Variants in TSNARE1 observed in about 807,000 individuals in gnomAD.
The protein encoded by TSNARE1 is t-SNARE domain containing 1.
A neutral mutation model predicts 62.0 loss-of-function variants in TSNARE1; 49 were observed. That is an observed-to-expected ratio of 0.79 (90% CI 0.63 to 1.00). The LOEUF is 1.00. TSNARE1 is among the 50% of genes least tolerant of loss of function. The probability of loss-of-function intolerance (pLI) is 0.00; values close to 1 mark genes in which losing one functional copy is unlikely to be tolerated. For missense variants in TSNARE1, 755 were observed against 700.1 expected (o/e 1.08, Z -0.88); for synonymous variants, 328 against 294.4 (o/e 1.11, Z -1.17).
intron 11 of TSNARE1, among the ~76,000 whole-genome samples, chr8:142,282,783 C>G (rs370741958): frequency 2.2e-5 from 3 of 138,290 alleles, no homozygotes; most frequent in Non-Finnish European, 4.6e-5. Flanking sequence ...TGAGCAGAGG[C>G]GGGGTCAGTG....
intron 13 of TSNARE1, among the ~76,000 whole-genome samples, chr8:142,227,303 C>T (rs73362780): frequency 6.7e-6 from 1 of 149,308 alleles, no homozygotes; most frequent in Non-Finnish European, 1.5e-5. Flanking sequence ...ACAGCCAGGA[C>T]CCCCTTCCTG....
At chr8:142,384,906 TGGGAGAA>T (rs1405745994) in intron 1 of TSNARE1, among the ~76,000 whole-genome samples, 1 of 152,112 alleles carries the variant, frequency 6.6e-6, no homozygotes, top group African/African-American at 2.4e-5. Flanking sequence ...ACTCACAACA[TGGGAGAA>T]AATATGTGCC....
At chr8:142,269,413 C>T (rs1191484667) in intron 12 of TSNARE1, 2 of 985,034 alleles carry the variant, frequency 2.0e-6, no homozygotes, top group African/African-American at 3.5e-5. Flanking sequence ...AGGCTGTGTC[C>T]AGGTTAAGAC....
chr8:142,295,876 G>A (rs570061066), intron 10 of TSNARE1, among the ~76,000 whole-genome samples: 17 of 150,944 alleles, frequency 1.1e-4, no homozygotes, highest in South Asian at 6.3e-4. Flanking sequence ...CACCCTGTGC[G>A]CAGGGATGAG....
intron 1 of TSNARE1, among the ~76,000 whole-genome samples, chr8:142,381,435 C>T (rs1836735506): frequency 6.6e-6 from 1 of 151,968 alleles, no homozygotes; most frequent in Non-Finnish European, 1.5e-5. Flanking sequence ...TTCCAGCACC[C>T]AATGGGCTCT....
At chr8:142,388,046 G>T (rs189597592) in intron 1 of TSNARE1, among the ~76,000 whole-genome samples, 1 of 152,034 alleles carries the variant, frequency 6.6e-6, no homozygotes, top group Middle Eastern at 3.2e-3. Context: ...CACCTTAAAA[G>T]AATTATGTAT....
intron 12 of TSNARE1, among the ~76,000 whole-genome samples, chr8:142,261,319 TG>T (rs1278433593): frequency 2.4e-5 from 1 of 42,520 alleles, no homozygotes; most frequent in Non-Finnish European, 4.6e-5. Flanking sequence ...GAAGGAGGGA[TG>T]GAGGAGAGAG....
chr8:142,229,902 T>C (rs1817022422), intron 12 of TSNARE1, among the ~76,000 whole-genome samples: 1 of 152,174 alleles, frequency 6.6e-6, no homozygotes, highest in African/African-American at 2.4e-5. Context: ...CTGTTTCTCT[T>C]CTTGGTACCT....
intron 1 of TSNARE1, among the ~76,000 whole-genome samples, chr8:142,391,144 C>T (rs532042989): frequency 4.9e-5 from 7 of 142,126 alleles, no homozygotes; most frequent in Non-Finnish European, 7.6e-5. Flanking sequence ...CTGTAACAGA[C>T]GCTGTACACT....
intron 12 of TSNARE1, chr8:142,272,975 G>A (rs893337715): frequency 2.0e-6 from 2 of 985,456 alleles, no homozygotes; most frequent in Non-Finnish European, 2.4e-6. Flanking sequence ...ATACTCCCTG[G>A]TGGACCCCCT....
intron 10 of TSNARE1, 106 bp downstream of exon 10, chr8:142,300,380 A>G: frequency 1.5e-6 from 2 of 1,341,882 alleles, no homozygotes; most frequent in Non-Finnish European, 2.0e-6. Flanking sequence ...CAGCCCCTCC[A>G]GGTCAAGGGC....
chr8:142,270,261 G>A, intron 12 of TSNARE1: 6 of 985,402 alleles, frequency 6.1e-6, no homozygotes, highest in South Asian at 4.7e-5. Flanking sequence ...GAGGAAGAAG[G>A]ATCTGAAGAC....
rs566342969 is a variant in TSNARE1 at position 142,319,954 on chromosome 8, G to A, written c.894-1320C>T. Among the ~76,000 whole-genome samples the A allele has an allele frequency of 1.6e-4, 25 of 152,250 alleles. No individual in the cohort carries two copies. The South Asian group carries it at 5.2e-3, about 32-fold the overall frequency. ...TCCTGCAGCTGGCGTCTGAGGCTTT[G>A]GAGAGCCTCCAGTGCCTCCAGCTCC... On this transcript the variant is annotated intron_variant, in intron 6 of 13. Coordinates refer to ENST00000524325, the MANE Select transcript of TSNARE1 (RefSeq NM_145003.5). This position sits in a 1 kb window ranked among gnomAD's most constrained non-coding sequence, Gnocchi z 4.9.
intron 9 of TSNARE1, among the ~76,000 whole-genome samples, chr8:142,310,787 G>T (rs1397654424): frequency 1.3e-5 from 2 of 152,058 alleles, no homozygotes; most frequent in Middle Eastern, 3.2e-3. Context: ...GCTTTTCTAA[G>T]ATTTTATTTT....
chr8:142,292,310 G>T (rs547962349), intron 10 of TSNARE1, among the ~76,000 whole-genome samples: 32 of 152,354 alleles, frequency 2.1e-4, no homozygotes, highest in Non-Finnish European at 3.7e-4. Flanking sequence ...TTCCCCCGTG[G>T]AAGCGAGGCG....
intron 6 of TSNARE1, among the ~76,000 whole-genome samples, chr8:142,328,165 A>C (rs139090421): frequency 1.1e-5 from 1 of 93,726 alleles, no homozygotes; most frequent in African/African-American, 4.9e-5. Flanking sequence ...ATAGTTTTTT[A>C]AAAAAAAAAA....
chr8:142,404,068 G>A (rs970538684), upstream of TSNARE1: 1 of 152,236 alleles, frequency 6.6e-6, no homozygotes, highest in Non-Finnish European at 1.5e-5. Context: ...CACCTTCTCC[G>A]GCAAGCGGAG....
At position 142,326,407 on chromosome 8, in the gene TSNARE1, G is replaced by A. The variant is rs373628774; in HGVS notation, c.893+4494C>T. Among the ~76,000 whole-genome samples, 82 of 93,370 alleles carry A rather than the reference G, an allele frequency of 8.8e-4. 1 individual carries two copies. The highest frequency in any genetic ancestry group is 1.3e-3 in the Non-Finnish European group (62 of 48,962). 61.3% of individuals were successfully genotyped at this position (93,370 alleles called of 152,430 possible). ...AGACGGATGAGGAACCAGCACCAGC[G>A]AAGGGGAGGGCCCCGGAGACCATGA... is the stretch of plus-strand genomic sequence containing the variant. On this transcript the variant is annotated intron_variant, in intron 6 of 13. Coordinates refer to ENST00000524325, the MANE Select transcript of TSNARE1 (RefSeq NM_145003.5).
At chr8:142,371,376 T>G (rs2131035866) in intron 1 of TSNARE1, among the ~76,000 whole-genome samples, 1 of 152,262 alleles carries the variant, frequency 6.6e-6, no homozygotes, top group East Asian at 1.9e-4. Context: ...GCCATAGGGA[T>G]GGACTGCAGG....
Sources: allele counts gnomAD v4.1 joint callset (sites outside exome capture counted in the v4.1 genomes callset), GRCh38; gene constraint gnomAD v4.1.1; non-coding constraint Gnocchi (gnomAD v3.1); transcripts MANE v1.5; gene names NCBI Gene and HGNC (gene_info 2026-07-23, HGNC 2026-07-21).